FAM171A1: variants seen among roughly 807,000 people sequenced by gnomAD.
FAM171A1 encodes family with sequence similarity 171 member A1, also known as protein FAM171A1.
A neutral mutation model predicts 74.9 loss-of-function variants in FAM171A1; 23 were observed. The observed-to-expected ratio is 0.31, with a 90% CI of 0.22 to 0.44. FAM171A1 has a LOEUF of 0.44. Ranked by LOEUF, FAM171A1 falls within the 20% of genes least tolerant of loss-of-function variation. The probability of loss-of-function intolerance (pLI) is 1.00; values close to 1 mark genes in which losing one functional copy is unlikely to be tolerated. For synonymous variants in FAM171A1, 527 were observed against 505.7 expected, an observed-to-expected ratio of 1.04 and a Z score of -0.57; for missense variants, 1,162 against 1,159.2, an observed-to-expected ratio of 1.00 and a Z score of -0.03.
chr10:15,323,362 A>T (rs1323680246), intron 1 of FAM171A1, among the ~76,000 whole-genome samples: 1 of 152,142 alleles, frequency 6.6e-6, no homozygotes, highest in African/African-American at 2.4e-5. Flanking sequence ...CTGAGACAGG[A>T]GAATTGCTTG....
At chr10:15,331,895 A>ATG (rs2131860271) in intron 1 of FAM171A1, among the ~76,000 whole-genome samples, 2 of 140,686 alleles carry the variant, frequency 1.4e-5, no homozygotes, top group South Asian at 4.6e-4. Context: ...ATATATATAT[A>ATG]TGAAACAATT....
Position 15,324,298 on chromosome 10 carries a change from C to T in FAM171A1, c.98-40193G>A, listed in dbSNP as rs1005595994. ...GGGGTGATTCAAGCAGAGAAGTCCA[C>T]GCTCAGCAGGGTTTGCTTGGGGTAG... On this transcript the variant is annotated intron_variant, in intron 1 of 7. Coordinates refer to ENST00000378116, the MANE Select transcript of FAM171A1 (RefSeq NM_001010924.2). Among the ~76,000 whole-genome samples the T allele has an allele frequency of 8.5e-5, 13 of 152,246 alleles. No individual in the cohort carries two copies. The East Asian group carries it at 9.7e-4, about 11-fold the overall frequency.
chr10:15,320,811 C>T lies in FAM171A1; in HGVS notation c.98-36706G>A, dbSNP rs549015605. 3.3e-5 allele frequency among the ~76,000 whole-genome samples: 5 copies of T among 152,308 alleles called. No homozygotes were observed. In the South Asian group the frequency reaches 8.3e-4, roughly 25 times the overall value. Reference sequence around the variant, plus strand: ...CACACAGTAAGTTTGCACATAATAACTTTCATCTAATTCTAACTTAACAAT... The same window carrying T: ...CACACAGTAAGTTTGCACATAATAATTTTCATCTAATTCTAACTTAACAAT... On this transcript the variant is annotated intron_variant, in intron 1 of 7. Coordinates refer to ENST00000378116, the MANE Select transcript of FAM171A1 (RefSeq NM_001010924.2).
intron 5 of FAM171A1, among the ~76,000 whole-genome samples, chr10:15,236,882 A>C (rs561072539): frequency 6.6e-6 from 1 of 152,202 alleles, no homozygotes; most frequent in African/African-American, 2.4e-5. Context: ...ACTTGAGGCC[A>C]GAAGTTTGAG....
chr10:15,256,635 C>T (rs910589409), intron 3 of FAM171A1, among the ~76,000 whole-genome samples: 1 of 152,234 alleles, frequency 6.6e-6, no homozygotes, highest in African/African-American at 2.4e-5. Flanking sequence ...CAGCGACACA[C>T]CAGCCTCTGG....
intron 6 of FAM171A1, among the ~76,000 whole-genome samples, chr10:15,219,992 A>C (rs1308454500): frequency 6.6e-6 from 1 of 152,226 alleles, no homozygotes; most frequent in East Asian, 1.9e-4. Context: ...ACCTCCATCA[A>C]ATCAGTTACT....
chr10:15,213,226 G>A lies in FAM171A1; in HGVS notation c.2362C>T (p.Leu788Phe), dbSNP rs1267795263. 3.7e-6 allele frequency: 6 copies of A among 1,614,030 alleles called. No individual in the cohort carries two copies. The highest frequency in any genetic ancestry group is 1.3e-5 in the African/African-American group (1 of 74,930). ...RAPDSTAYTQ[L>F]VYLDDVEQSG... The stretch of plus-strand genomic sequence containing the variant: ...TGTTCCACGTCATCCAGGTACACGA[G>A]CTGCGTGTAGGCCGTGCTGTCTGGG... The change falls in exon 8 of 8, where the codon CTC becomes TTC. Residue 788 changes from leucine (L) to phenylalanine (F), a missense_variant. Coordinates refer to ENST00000378116, the MANE Select transcript of FAM171A1 (RefSeq NM_001010924.2). This position sits in a 1 kb window ranked among gnomAD's most constrained non-coding sequence, Gnocchi z 6.8.
At chr10:15,328,237 T>C (rs1040447629) in intron 1 of FAM171A1, among the ~76,000 whole-genome samples, 1 of 152,168 alleles carries the variant, frequency 6.6e-6, no homozygotes, top group African/African-American at 2.4e-5. Flanking sequence ...CTCCACCTCC[T>C]GGGTTCAAGA....
At chr10:15,216,606 A>C (rs570811849) in intron 6 of FAM171A1, among the ~76,000 whole-genome samples, 3 of 151,914 alleles carry the variant, frequency 2.0e-5, no homozygotes, top group East Asian at 1.9e-4. Flanking sequence ...AATTTTTATA[A>C]ATTTTTTTTA....
intron 1 of FAM171A1, among the ~76,000 whole-genome samples, chr10:15,364,040 G>A (rs1434038765): frequency 6.6e-6 from 1 of 151,952 alleles, no homozygotes; most frequent in Non-Finnish European, 1.5e-5. Context: ...CATTCAAGTC[G>A]GGTGGGTGGA....
intron 1 of FAM171A1, among the ~76,000 whole-genome samples, chr10:15,308,450 T>C (rs1340608468): frequency 1.3e-5 from 2 of 152,204 alleles, no homozygotes; most frequent in African/African-American, 4.8e-5. Context: ...CATCTTATCT[T>C]GACAAACTCT....
intron 7 of FAM171A1, among the ~76,000 whole-genome samples, chr10:15,215,597 C>G (rs943880479): frequency 1.3e-5 from 2 of 152,168 alleles, no homozygotes; most frequent in Non-Finnish European, 2.9e-5. Context: ...AACTTCTGAC[C>G]TCAAGTGATC....
At chr10:15,286,376 G>C (rs1835035483) in intron 1 of FAM171A1, among the ~76,000 whole-genome samples, 4 of 152,114 alleles carry the variant, frequency 2.6e-5, no homozygotes, top group Admixed American at 1.3e-4. Context: ...TGCCTGCTGG[G>C]TTCAAGCAAT....
chr10:15,259,400 C>G (rs557699693), intron 3 of FAM171A1, among the ~76,000 whole-genome samples: 21 of 151,998 alleles, frequency 1.4e-4, no homozygotes, highest in Non-Finnish European at 2.8e-4. Context: ...CCTTTCCCTG[C>G]CCAGAAACCA....
Position 15,213,256 on chromosome 10 carries a change from G to A in FAM171A1, c.2332C>T (p.Arg778Ter), listed in dbSNP as rs1195052251. ...GTGTAGGCCGTGCTGTCTGGGGCTC[G>A]AGGCTCTTTCTGCTGGTGCTCTTGG... ...PVQEHQQKEPRAPDSTAYTQL... is the reference protein window; with the variant it reads ...PVQEHQQKEP The change falls in exon 8 of 8, where the codon CGA becomes TGA. Residue 778 changes from arginine to a stop codon, truncating the protein, a stop_gained. Transcript: ENST00000378116. LOFTEE classifies it high-confidence loss of function. The surrounding 1 kb of genome is among the most constrained non-coding windows in gnomAD (Gnocchi z 6.8). 13 of 1,613,938 alleles carry A rather than the reference G, an allele frequency of 8.1e-6. No individual in the cohort carries two copies. Among genetic ancestry groups the A allele is most frequent in the Non-Finnish European group, 8.5e-6 (10 of 1,180,036 alleles).
intron 1 of FAM171A1, among the ~76,000 whole-genome samples, chr10:15,295,960 AT>A (rs1835156408): frequency 6.6e-6 from 1 of 152,226 alleles, no homozygotes; most frequent in Non-Finnish European, 1.5e-5. Flanking sequence ...ATAGGAGGTT[AT>A]TGTAAAAATG....
chr10:15,349,909 A>G (rs537405355), intron 1 of FAM171A1, among the ~76,000 whole-genome samples: 21 of 152,252 alleles, frequency 1.4e-4, no homozygotes, highest in African/African-American at 4.8e-4. Context: ...TGAGATTAGC[A>G]GAACAGGTGG....
intron 2 of FAM171A1, 41 bp from the exon 3 acceptor site, chr10:15,275,988 C>A: frequency 6.9e-7 from 1 of 1,447,006 alleles, no homozygotes; most frequent in South Asian, 1.2e-5. Flanking sequence ...TTTTAATAGT[C>A]ATATTTAAGT....
At chr10:15,249,852 T>C (rs982106113) in intron 4 of FAM171A1, among the ~76,000 whole-genome samples, 1 of 152,234 alleles carries the variant, frequency 6.6e-6, no homozygotes, top group Non-Finnish European at 1.5e-5. Context: ...ACTCAAGCAA[T>C]CCATTTTACA....
Sources: gnomAD v4.1 joint callset for allele counts (sites outside exome capture counted in the v4.1 genomes callset) on GRCh38, gnomAD v4.1.1 for gene constraint, Gnocchi (gnomAD v3.1) non-coding constraint, MANE v1.5 for transcripts, NCBI Gene and HGNC (gene_info 2026-07-23, HGNC 2026-07-21) for gene names.